MAGI2: variants seen among roughly 807,000 people sequenced by gnomAD.
The protein encoded by MAGI2 is membrane-associated guanylate kinase, WW and PDZ domain-containing protein 2.
A neutral mutation model predicts 133.3 loss-of-function variants in MAGI2; 35 were observed. That is an observed-to-expected ratio of 0.26 (90% CI 0.20 to 0.35). The LOEUF (loss-of-function observed/expected upper bound fraction) is 0.35, where lower values mean the gene tolerates loss of function less well. Among genes scored for constraint, MAGI2 ranks in the 10% least tolerant of loss-of-function variants. MAGI2 has a pLI of 1.00. For missense variants in MAGI2, 1,636 were observed against 1,863.4 expected (o/e 0.88, Z 2.25); for synonymous variants, 729 against 710.6 (o/e 1.03, Z -0.41).
At chr7:78,280,853 CAAAAAAAA>C (rs36097343) in intron 9 of MAGI2, among the ~76,000 whole-genome samples, 7 of 108,038 alleles carry the variant, frequency 6.5e-5, no homozygotes, top group East Asian at 5.6e-4. Flanking sequence ...GATGGGTATA[CAAAAAAAA>C]AAAAAAAAAA....
chr7:78,423,246 T>G (rs1308835433), intron 6 of MAGI2, among the ~76,000 whole-genome samples: 2 of 152,088 alleles, frequency 1.3e-5, no homozygotes, highest in Non-Finnish European at 2.9e-5. Context: ...GATCTGATGG[T>G]TTTAAAAAAT....
intron 6 of MAGI2, among the ~76,000 whole-genome samples, chr7:78,386,710 C>T (rs1478505179): frequency 1.3e-5 from 2 of 152,126 alleles, no homozygotes; most frequent in African/African-American, 4.8e-5. Context: ...TCATATTGAG[C>T]AGTGACAGTG....
intron 1 of MAGI2, among the ~76,000 whole-genome samples, chr7:79,367,508 G>A (rs1842776643): frequency 6.6e-6 from 1 of 152,094 alleles, no homozygotes; most frequent in South Asian, 2.1e-4. Context: ...CTTCAAAGCT[G>A]AAATTTTTCA....
At chr7:78,976,756 G>T (rs1282233508) in intron 2 of MAGI2, among the ~76,000 whole-genome samples, 1 of 150,760 alleles carries the variant, frequency 6.6e-6, no homozygotes, top group African/African-American at 2.4e-5. Context: ...GTATAGCAAG[G>T]TTGCAGGATT....
At chr7:78,708,126 G>A (rs992787708) in intron 2 of MAGI2, among the ~76,000 whole-genome samples, 1 of 152,044 alleles carries the variant, frequency 6.6e-6, no homozygotes, top group African/African-American at 2.4e-5. Flanking sequence ...GGACTGACAA[G>A]GCTTAAAGTT....
intron 2 of MAGI2, among the ~76,000 whole-genome samples, chr7:78,961,322 G>T (rs1802821542): frequency 6.6e-6 from 1 of 151,988 alleles, no homozygotes; most frequent in African/African-American, 2.4e-5. Flanking sequence ...AGGCTCCCCT[G>T]TTACTGATCT....
chr7:79,087,853 A>G (rs866170918), intron 1 of MAGI2, among the ~76,000 whole-genome samples: 95 of 152,158 alleles, frequency 6.2e-4, no homozygotes, highest in African/African-American at 2.2e-3. Flanking sequence ...CCATTGGTCT[A>G]TATATCTGTT....
intron 2 of MAGI2, 67 bp downstream of exon 2, chr7:79,007,023 T>C: frequency 1.7e-6 from 2 of 1,151,054 alleles, no homozygotes; most frequent in Non-Finnish European, 2.4e-6. Flanking sequence ...TTTCTTTTAA[T>C]CAATGAATAT....
intron 2 of MAGI2, among the ~76,000 whole-genome samples, chr7:78,828,057 G>A (rs951152987): frequency 2.0e-5 from 3 of 152,084 alleles, no homozygotes; most frequent in African/African-American, 7.2e-5. Context: ...GCTAATTTTT[G>A]TATTTTTAGT....
intron 3 of MAGI2, among the ~76,000 whole-genome samples, chr7:78,536,949 T>A (rs1798003413): frequency 6.6e-6 from 1 of 152,110 alleles, no homozygotes; most frequent in South Asian, 2.1e-4. Flanking sequence ...TAGTCTTTTA[T>A]CCCTTGCTCC....
At chr7:79,186,202 A>T (rs201740081) in intron 1 of MAGI2, among the ~76,000 whole-genome samples, 26 of 1,782 alleles carry the variant, frequency 0.015, no homozygotes, top group African/African-American at 0.028. Context: ...ATATATATAT[A>T]TATATATATA....
At chr7:78,679,257 C>T (rs1014924332) in intron 2 of MAGI2, among the ~76,000 whole-genome samples, 2 of 152,086 alleles carry the variant, frequency 1.3e-5, no homozygotes, top group Non-Finnish European at 2.9e-5. Context: ...GCATCTTGTA[C>T]ATATTGATAT....
intron 2 of MAGI2, among the ~76,000 whole-genome samples, chr7:78,908,069 T>A (rs1798112489): frequency 6.6e-6 from 1 of 151,886 alleles, no homozygotes; most frequent in South Asian, 2.1e-4. Flanking sequence ...AGACAGTAAG[T>A]TAGGGGGGAA....
At chr7:78,298,848 C>G (rs1797569214) in intron 9 of MAGI2, among the ~76,000 whole-genome samples, 1 of 128,166 alleles carries the variant, frequency 7.8e-6, no homozygotes, top group Admixed American at 9.4e-5. Flanking sequence ...TGGAGTCTCG[C>G]TCTGTTGCCC....
intron 2 of MAGI2, among the ~76,000 whole-genome samples, chr7:78,914,420 TAA>T (rs1462493117): frequency 6.6e-6 from 1 of 152,158 alleles, no homozygotes; most frequent in African/African-American, 2.4e-5. Flanking sequence ...AAATTATTAG[TAA>T]AGTCAACAAA....
At chr7:78,425,623 A>C (rs750851234) in intron 6 of MAGI2, among the ~76,000 whole-genome samples, 1 of 152,218 alleles carries the variant, frequency 6.6e-6, no homozygotes, top group African/African-American at 2.4e-5. Context: ...TGCTACAGAG[A>C]TAAGAGATGA....
At chr7:79,135,174 A>C (rs1821277626) in intron 1 of MAGI2, among the ~76,000 whole-genome samples, 1 of 152,194 alleles carries the variant, frequency 6.6e-6, no homozygotes, top group Non-Finnish European at 1.5e-5. Context: ...AGGACTAAGA[A>C]TGGTGGTCAG....
At chr7:78,928,859 A>G (rs1263692307) in intron 2 of MAGI2, among the ~76,000 whole-genome samples, 1 of 152,114 alleles carries the variant, frequency 6.6e-6, no homozygotes. Context: ...ATTCCTAAGC[A>G]CAATCAGAAA....
chr7:78,088,065 A>T (rs1816817322), intron 20 of MAGI2, among the ~76,000 whole-genome samples: 2 of 152,202 alleles, frequency 1.3e-5, no homozygotes, highest in African/African-American at 4.8e-5. Flanking sequence ...TCCCTAGTTG[A>T]CTGAAAAATA....
Sources: allele counts gnomAD v4.1 joint callset (sites outside exome capture counted in the v4.1 genomes callset), GRCh38; gene constraint gnomAD v4.1.1; transcripts MANE v1.5; gene names NCBI Gene and HGNC (gene_info 2026-07-23, HGNC 2026-07-21).